The following TRMT44 variants were observed in gnomAD, a reference collection of about 807,000 sequenced individuals.
TRMT44 encodes the protein probable tRNA (uracil-O(2)-)-methyltransferase.
In TRMT44, 78 loss-of-function variants were observed where a neutral mutation model predicts 77.3. The observed-to-expected ratio is 1.01, with a 90% CI of 0.84 to 1.22. The LOEUF (loss-of-function observed/expected upper bound fraction) is 1.22. Ranked by LOEUF, TRMT44 falls within the 50% of genes most tolerant of loss-of-function variation. The probability of loss-of-function intolerance (pLI) is 0.00; values close to 1 mark genes in which losing one functional copy is unlikely to be tolerated. For synonymous variants in TRMT44, 391 were observed against 383.3 expected (o/e 1.02, Z -0.23); for missense variants, 1,090 against 964.4 (o/e 1.13, Z -1.73).
chr4:8,484,568 G>A (rs1173596407), intron 2 of TRMT44, among the ~76,000 whole-genome samples: 4 of 152,148 alleles, frequency 2.6e-5, no homozygotes, highest in South Asian at 4.1e-4. Flanking sequence ...ATGCGATCCC[G>A]GTCCTTGTGT....
At position 8,463,988 on chromosome 4, in the gene TRMT44, G is replaced by A. The variant is rs1726348690; in HGVS notation, c.1207G>A (p.Asp403Asn). The change falls in exon 7 of 11, where the codon GAT becomes AAT. Residue 403 changes from aspartate to asparagine, a missense_variant. Physicochemically the swap from Asp to Asn is conservative, Grantham distance 23 (BLOSUM62 1). Coordinates refer to ENST00000389737, the MANE Select transcript of TRMT44 (RefSeq NM_152544.3). ...MYGPQTQLEE[D>N]AITPNDKTLF... The stretch of plus-strand genomic sequence containing the variant: ...TCTTGTTTTGTTATTCCTTTAGGAA[G>A]ATGCAATCACACCCAATGATAAGAC... 1 of 1,612,966 alleles carries A rather than the reference G, an allele frequency of 6.2e-7. No homozygotes were observed. The highest frequency in any genetic ancestry group is 1.7e-5 in the Admixed American group (1 of 59,864).
At chr4:8,449,956 T>TTA in intron 3 of TRMT44, 68 bp downstream of exon 3, 3 of 702,080 alleles carry the variant, frequency 4.3e-6, no homozygotes, top group Non-Finnish European at 6.1e-6. Context: ...TTTCTTTTTT[T>TTA]TTTTTTTTTT....
intron 5 of TRMT44, among the ~76,000 whole-genome samples, chr4:8,453,218 G>A (rs935888926): frequency 6.6e-6 from 1 of 152,178 alleles, no homozygotes; most frequent in Non-Finnish European, 1.5e-5. Context: ...CCCGGGCCCC[G>A]GCATGGACCT....
chr4:8,454,635 C>T (rs535620699), intron 5 of TRMT44, 107 bp from the exon 6 acceptor site: 1 of 1,044,134 alleles, frequency 9.6e-7, no homozygotes, highest in African/African-American at 1.6e-5. Context: ...AAGCTCTTCT[C>T]TTGCCCTTCG....
chr4:8,487,397 C>A lies in TRMT44; in HGVS notation n.3892-5869C>A, dbSNP rs1162099409. Reference sequence around the variant, plus strand: ...AAGGGGTTCGGGGGTTCTTACCCTCCAGAAAAGCGGGAAAGGGGTCGGATC... The same window carrying A: ...AAGGGGTTCGGGGGTTCTTACCCTCAAGAAAAGCGGGAAAGGGGTCGGATC... On this transcript the variant is annotated intron_variant and non_coding_transcript_variant, in intron 2 of 2. Coordinates refer to the TRMT44 transcript ENST00000511366. Among the ~76,000 whole-genome samples the A allele has an allele frequency of 2.0e-5, 3 of 151,840 alleles. No individual in the cohort carries two copies. In the South Asian group the frequency reaches 6.3e-4, roughly 32 times the overall value.
intron 5 of TRMT44, chr4:8,454,536 G>T: frequency 1.7e-6 from 1 of 597,584 alleles, no homozygotes; most frequent in Non-Finnish European, 3.0e-6. Flanking sequence ...GTTGCTGCTA[G>T]CAGGAAGTGG....
intron 1 of TRMT44, among the ~76,000 whole-genome samples, chr4:8,445,885 AG>A (rs1021111394): frequency 1.7e-4 from 26 of 152,212 alleles, no homozygotes; most frequent in African/African-American, 4.8e-4. Flanking sequence ...TTTTAGAGAT[AG>A]AACTTTATAC....
At chr4:8,502,512 G>A in the TRMT44 span, among the ~76,000 whole-genome samples, 16 of 152,370 alleles carry the variant, frequency 1.1e-4, no homozygotes, top group Middle Eastern at 3.4e-3. Flanking sequence ...CTGCAATCAC[G>A]GTACCAGCCA....
chr4:8,487,788 C>G (rs893045024), intron 2 of TRMT44, among the ~76,000 whole-genome samples: 2 of 152,082 alleles, frequency 1.3e-5, no homozygotes, highest in Non-Finnish European at 2.9e-5. Context: ...TACCCCTCCC[C>G]CAGAAAAGCA....
chr4:8,476,144 A>G lies in TRMT44; in HGVS notation c.*143A>G. On this transcript the variant is annotated 3_prime_UTR_variant, in exon 11 of 11. Transcript: ENST00000389737. Reference sequence around the variant, plus strand: ...TTTCTCCACATCCTCACAGTGATGAACCGTATTTCATAAACATCACACGCC... The same window carrying G: ...TTTCTCCACATCCTCACAGTGATGAGCCGTATTTCATAAACATCACACGCC... 2 of 720,284 alleles carry G rather than the reference A, an allele frequency of 2.8e-6. No individual in the cohort carries two copies. Among genetic ancestry groups the G allele is most frequent in the Non-Finnish European group, 4.5e-6 (2 of 439,976 alleles). The allele number at this position is 720,284 out of a possible 1,614,324, so 44.6% of individuals were successfully genotyped here. A position where few individuals can be genotyped will look rare whatever the true frequency, so the allele number is the denominator to read the frequency against.
chr4:8,503,387 C>T, the TRMT44 span, among the ~76,000 whole-genome samples: 521 of 152,322 alleles, frequency 3.4e-3, 3 homozygotes, highest in African/African-American at 0.012. Context: ...CAGCCTAAAG[C>T]AAGAGAATCA....
chr4:8,506,113 G>T, the TRMT44 span, among the ~76,000 whole-genome samples: 4 of 152,232 alleles, frequency 2.6e-5, no homozygotes, highest in African/African-American at 7.2e-5. Context: ...CCCTGAGTAT[G>T]TGCTCCTGAT....
chr4:8,491,599 G>A (rs927314384), intron 2 of TRMT44, among the ~76,000 whole-genome samples: 8 of 152,346 alleles, frequency 5.3e-5, no homozygotes, highest in South Asian at 4.1e-4. Context: ...GCACAGCGCC[G>A]GTGGGCCGGC....
rs1009710921 is a variant in TRMT44 at position 8,452,879 on chromosome 4, T to C, written c.1024-3T>C. The C allele has an allele frequency of 3.4e-5, 52 of 1,511,270 alleles. No homozygotes were observed. The Middle Eastern group carries it at 8.4e-4, about 24-fold the overall frequency. The allele number at this position is 1,511,270 out of a possible 1,614,324, so 93.6% of individuals were successfully genotyped here. A position where few individuals can be genotyped will look rare whatever the true frequency, so the allele number is the denominator to read the frequency against. On this transcript the variant is annotated splice_polypyrimidine_tract_variant and splice_region_variant and intron_variant, in intron 4 of 10. Coordinates refer to ENST00000389737, the MANE Select transcript of TRMT44 (RefSeq NM_152544.3). This position sits in a 1 kb window ranked among gnomAD's most constrained non-coding sequence, Gnocchi z 5.7. ...ACTTTGTTTTGTTTTTCTCTTCACT[T>C]AGATTCTATGGGAAGAAGAAAGGGC...
chr4:8,447,505 GA>G (rs1725129501), intron 2 of TRMT44, among the ~76,000 whole-genome samples: 1 of 152,032 alleles, frequency 6.6e-6, no homozygotes, highest in African/African-American at 2.4e-5. Flanking sequence ...AAAGCAGAGG[GA>G]TGTGGCGAGA....
chr4:8,506,128 A>G, the TRMT44 span, among the ~76,000 whole-genome samples: 6 of 152,332 alleles, frequency 3.9e-5, no homozygotes, highest in East Asian at 1.2e-3. Flanking sequence ...CCTGATGAGG[A>G]CATGGGACAC....
At position 8,449,897 on chromosome 4, in the gene TRMT44, G is replaced by C. The variant is rs975447677; in HGVS notation, c.954+9G>C. On this transcript the variant is annotated intron_variant, in intron 3 of 10. Transcript: ENST00000389737. ...ATAAGGAAATGGTTAAGGTAATTCT[G>C]GTGGAGAATATCTGATTTTTCCCCC... The C allele has an allele frequency of 4.3e-6, 6 of 1,388,482 alleles. No homozygotes were observed. The highest frequency in any genetic ancestry group is 1.5e-5 in the African/African-American group (1 of 66,704). The allele number at this position is 1,388,482 out of a possible 1,614,324, so 86.0% of individuals were successfully genotyped here. A position where few individuals can be genotyped will look rare whatever the true frequency, so the allele number is the denominator to read the frequency against.
intron 2 of TRMT44, among the ~76,000 whole-genome samples, chr4:8,488,953 G>A (rs1051919355): frequency 2.6e-5 from 4 of 152,206 alleles, no homozygotes; most frequent in Admixed American, 2.6e-4. Flanking sequence ...TGTGGGAGCA[G>A]CACCACCCAC....
chr4:8,474,029 G>A (rs773067014), intron 10 of TRMT44, among the ~76,000 whole-genome samples: 6 of 152,356 alleles, frequency 3.9e-5, no homozygotes, highest in Non-Finnish European at 7.3e-5. Flanking sequence ...TCTTAACTCC[G>A]GAGCCGCGTG....
Sources: gnomAD v4.1 joint callset for allele counts (sites outside exome capture counted in the v4.1 genomes callset) on GRCh38, gnomAD v4.1.1 for gene constraint, Gnocchi (gnomAD v3.1) non-coding constraint, MANE v1.5 for transcripts, NCBI Gene and HGNC (gene_info 2026-07-23, HGNC 2026-07-21) for gene names.